PHF24: variants seen among roughly 807,000 people sequenced by gnomAD.
PHF24 encodes PHD finger protein 24.
In PHF24, 25 loss-of-function variants were observed where a neutral mutation model predicts 42.6. That is an observed-to-expected ratio of 0.59 (90% CI 0.43 to 0.82). PHF24 has a LOEUF of 0.82. Ranked by LOEUF, PHF24 falls within the 40% of genes least tolerant of loss-of-function variation. The pLI, the probability that PHF24 is intolerant of heterozygous loss-of-function variation, is 0.00. For synonymous variants in PHF24, 185 were observed against 204.8 expected (o/e 0.90, Z 0.83); for missense variants, 470 against 538.1 (o/e 0.87, Z 1.25).
the PHF24 span, among the ~76,000 whole-genome samples, chr9:34,932,368 C>T: frequency 6.6e-6 from 1 of 152,220 alleles, no homozygotes; most frequent in African/African-American, 2.4e-5. Flanking sequence ...CCCAGAGGTT[C>T]TGCAGAGGGC....
At chr9:34,899,599 T>A in the PHF24 span, among the ~76,000 whole-genome samples, 498 of 152,320 alleles carry the variant, frequency 3.3e-3, 3 homozygotes, top group African/African-American at 0.011. Flanking sequence ...AGCACGTTCA[T>A]TAATGCCCAA....
chr9:34,936,642 G>C, the PHF24 span, among the ~76,000 whole-genome samples: 1 of 151,458 alleles, frequency 6.6e-6, no homozygotes, highest in African/African-American at 2.4e-5. Context: ...CTTCCCGGCC[G>C]CCATCCCATC....
the PHF24 span, chr9:34,709,552 T>C: frequency 6.2e-7 from 1 of 1,614,178 alleles, no homozygotes; most frequent in Non-Finnish European, 8.5e-7. Context: ...GAGGCCCCCC[T>C]GTCCTTCCTG....
the PHF24 span, among the ~76,000 whole-genome samples, chr9:34,905,614 A>G: frequency 6.6e-6 from 1 of 152,196 alleles, no homozygotes; most frequent in Non-Finnish European, 1.5e-5. Flanking sequence ...GATCTGGGAA[A>G]GCTTCATGTA....
chr9:34,824,128 G>A, the PHF24 span, among the ~76,000 whole-genome samples: 1 of 152,224 alleles, frequency 6.6e-6, no homozygotes, highest in Non-Finnish European at 1.5e-5. Context: ...GCAGGTAAGA[G>A]CCACAGAGGG....
At chr9:34,782,311 G>A in the PHF24 span, among the ~76,000 whole-genome samples, 1 of 152,070 alleles carries the variant, frequency 6.6e-6, no homozygotes, top group Admixed American at 6.6e-5. Context: ...CAGCAATTTC[G>A]TATAATAATA....
the PHF24 span, among the ~76,000 whole-genome samples, chr9:34,701,457 C>T: frequency 1.8e-4 from 28 of 152,270 alleles, no homozygotes; most frequent in African/African-American, 6.3e-4. This position sits in a 1 kb window ranked among gnomAD's most constrained non-coding sequence, Gnocchi z 5.8. Context: ...GCAGGGGGCG[C>T]CCCGAGCCTG....
chr9:34,827,770 C>A, the PHF24 span, among the ~76,000 whole-genome samples: 4 of 152,256 alleles, frequency 2.6e-5, no homozygotes, highest in African/African-American at 9.6e-5. Context: ...CTTCTCAGGG[C>A]AGCCTATTTA....
chr9:34,759,095 G>T, the PHF24 span, among the ~76,000 whole-genome samples: 2 of 152,108 alleles, frequency 1.3e-5, no homozygotes, highest in African/African-American at 4.8e-5. Context: ...CAAATGCCAG[G>T]TGTTTCTAAT....
chr9:34,703,487 A>T, the PHF24 span, among the ~76,000 whole-genome samples: 1 of 151,964 alleles, frequency 6.6e-6, no homozygotes. Flanking sequence ...TTAATTTTTA[A>T]AAGAAAGGTA....
the PHF24 span, chr9:34,894,968 C>A: frequency 2.5e-6 from 1 of 398,232 alleles, no homozygotes; most frequent in South Asian, 1.3e-4. Context: ...CAGCAGGGGT[C>A]ATAGAGGGTC....
chr9:34,677,490 G>A, the PHF24 span, among the ~76,000 whole-genome samples: 4 of 143,458 alleles, frequency 2.8e-5, no homozygotes, highest in Non-Finnish European at 4.5e-5. Flanking sequence ...TCCGCCTCCC[G>A]GGTTCACGCC....
the PHF24 span, chr9:34,889,098 T>C: frequency 2.5e-6 from 1 of 398,500 alleles, no homozygotes. Flanking sequence ...ATTTGGAGAA[T>C]GCCCTGCTTC....
the PHF24 span, among the ~76,000 whole-genome samples, chr9:34,720,467 C>CAA: frequency 6.5e-4 from 92 of 141,040 alleles, 4 homozygotes; most frequent in African/African-American, 8.6e-4. Context: ...AAAAACAAAA[C>CAA]AAAACAAAAA....
the PHF24 span, among the ~76,000 whole-genome samples, chr9:34,785,175 G>A: frequency 1.3e-5 from 2 of 152,308 alleles, no homozygotes; most frequent in East Asian, 3.9e-4. Flanking sequence ...GTTGTTTGCT[G>A]TTCTTTCTGT....
chr9:34,798,583 T>C, the PHF24 span, among the ~76,000 whole-genome samples: 1 of 152,358 alleles, frequency 6.6e-6, no homozygotes, highest in East Asian at 1.9e-4. Flanking sequence ...CCATGGTGCA[T>C]ATGTATGACA....
chr9:34,861,313 A>T, the PHF24 span, among the ~76,000 whole-genome samples: 3 of 152,210 alleles, frequency 2.0e-5, no homozygotes, highest in Admixed American at 2.0e-4. Flanking sequence ...CAAAGGCCAC[A>T]CTGTAGGGTA....
the PHF24 span, among the ~76,000 whole-genome samples, chr9:34,871,566 G>C: frequency 6.6e-6 from 1 of 152,032 alleles, no homozygotes; most frequent in Non-Finnish European, 1.5e-5. Context: ...GGTTTTTTAG[G>C]TTTCTGTTTT....
At chr9:34,777,743 G>A in the PHF24 span, among the ~76,000 whole-genome samples, 1 of 152,216 alleles carries the variant, frequency 6.6e-6, no homozygotes, top group Non-Finnish European at 1.5e-5. Context: ...TGCTTCTCTA[G>A]TGCCTCAGAC....
Sources: allele counts gnomAD v4.1 joint callset (sites outside exome capture counted in the v4.1 genomes callset), GRCh38; gene constraint gnomAD v4.1.1; non-coding constraint Gnocchi (gnomAD v3.1); transcripts MANE v1.5; gene names NCBI Gene and HGNC (gene_info 2026-07-23, HGNC 2026-07-21).